Variants in SDK1 observed in about 807,000 individuals in gnomAD.
The protein encoded by SDK1 is protein sidekick-1.
In SDK1, 157 loss-of-function variants were observed where a neutral mutation model predicts 245.5. The observed-to-expected ratio is 0.64, with a 90% confidence interval of 0.56 to 0.73. The LOEUF is 0.73. Ranked by LOEUF, SDK1 falls within the 30% of genes least tolerant of loss-of-function variation. The pLI is 0.00. For synonymous variants in SDK1, 1,647 were observed against 1,278.5 expected (o/e 1.29, Z -6.15); for missense variants, 3,583 against 3,002.3 (o/e 1.19, Z -4.52).
At chr7:4,156,325 G>T (rs550586455) in intron 30 of SDK1, among the ~76,000 whole-genome samples, 1 of 152,182 alleles carries the variant, frequency 6.6e-6, no homozygotes, top group Admixed American at 6.5e-5. Flanking sequence ...GGAACAGAGG[G>T]GAAATTGTTT....
rs555767742 is a variant in SDK1 at position 3,460,732 on chromosome 7, A to T, written c.299-158348A>T. On this transcript the variant is annotated intron_variant, in intron 1 of 44. Coordinates refer to ENST00000404826, the MANE Select transcript of SDK1 (RefSeq NM_152744.4). ...TTTAATCATTGGGAATGAATCAGTT[A>T]AAAACTTATTTTGGGGCTAAAAACA... is the stretch of plus-strand genomic sequence containing the variant. Among the ~76,000 whole-genome samples the T allele has an allele frequency of 2.0e-5, 3 of 152,294 alleles. No homozygotes were observed. The East Asian group carries it at 5.8e-4, about 29-fold the overall frequency.
At chr7:3,528,772 G>T (rs1254043886) in intron 1 of SDK1, among the ~76,000 whole-genome samples, 1 of 152,020 alleles carries the variant, frequency 6.6e-6, no homozygotes, top group African/African-American at 2.4e-5. Context: ...CCTACATTTT[G>T]CCCTGAGCAA....
intron 44 of SDK1, among the ~76,000 whole-genome samples, chr7:4,252,163 T>C (rs1489915435): frequency 6.6e-6 from 1 of 152,080 alleles, no homozygotes; most frequent in Non-Finnish European, 1.5e-5. Context: ...CCCATTAACT[T>C]GTCATTTAAC....
chr7:3,940,427 T>C (rs1021410450), intron 5 of SDK1, among the ~76,000 whole-genome samples: 2 of 152,246 alleles, frequency 1.3e-5, no homozygotes, highest in Non-Finnish European at 2.9e-5. Flanking sequence ...GTTGTATGCC[T>C]GAAAATGCCT....
In SDK1 at chr7:3,782,125, G is replaced by A. The variant is rs187237744; in HGVS notation, c.714-39325G>A. Among the ~76,000 whole-genome samples, 54 of 152,304 alleles carry A rather than the reference G, an allele frequency of 3.5e-4. 1 individual carries two copies. The highest frequency in any genetic ancestry group is 3.3e-3 in the Admixed American group (51 of 15,306). ...AATTTATGAGGAAAAGATGTTTCAT[G>A]GGCTCATGGTTCTGCAGACAGTACA... On this transcript the variant is annotated intron_variant, in intron 4 of 44. Coordinates refer to ENST00000404826, the MANE Select transcript of SDK1 (RefSeq NM_152744.4).
intron 1 of SDK1, among the ~76,000 whole-genome samples, chr7:3,412,269 C>T (rs1243584791): frequency 6.6e-6 from 1 of 152,194 alleles, no homozygotes; most frequent in East Asian, 1.9e-4. Context: ...TCCCCAGAGT[C>T]ACTGTGCATA....
At chr7:3,559,882 C>G (rs961222832) in intron 1 of SDK1, among the ~76,000 whole-genome samples, 6 of 152,026 alleles carry the variant, frequency 3.9e-5, no homozygotes, top group African/African-American at 7.3e-5. Flanking sequence ...ATCCCTTGCT[C>G]CTAGTATAGT....
intron 28 of SDK1, among the ~76,000 whole-genome samples, chr7:4,142,811 A>C (rs959350063): frequency 1.1e-4 from 16 of 152,300 alleles, no homozygotes; most frequent in African/African-American, 3.6e-4. Flanking sequence ...GAGCCATGTG[A>C]ATGTTACACA....
chr7:3,941,764 C>T (rs913329855), intron 5 of SDK1, among the ~76,000 whole-genome samples: 5 of 152,166 alleles, frequency 3.3e-5, no homozygotes, highest in African/African-American at 9.7e-5. Context: ...ACGAAGTGGA[C>T]GTTAGGCAGT....
chr7:3,881,058 C>T (rs926858327), intron 5 of SDK1, among the ~76,000 whole-genome samples: 1 of 152,108 alleles, frequency 6.6e-6, no homozygotes, highest in African/African-American at 2.4e-5. Flanking sequence ...TGGGAAAACA[C>T]ACAAACATTC....
rs116230140 is a variant in SDK1, at chr7:3,546,464, C to G, written c.299-72616C>G. 6.0e-3 allele frequency among the ~76,000 whole-genome samples: 910 copies of G among 152,322 alleles called. 8 individuals are homozygous for G. Among genetic ancestry groups the G allele is most frequent in the African/African-American group, 0.02 (835 of 41,562 alleles). On this transcript the variant is annotated intron_variant, in intron 1 of 44. Transcript: ENST00000404826. The stretch of plus-strand genomic sequence containing the variant: ...AAGGCTCTCTGAAGGTATCTTCTTA[C>G]AATATCCTACAGATTGAGAATCATG...
chr7:4,169,064 G>T (rs1334171127), intron 32 of SDK1, among the ~76,000 whole-genome samples: 1 of 152,226 alleles, frequency 6.6e-6, no homozygotes, highest in Non-Finnish European at 1.5e-5. Flanking sequence ...ACCTGTTGCT[G>T]TGTGGTTGTC....
intron 1 of SDK1, among the ~76,000 whole-genome samples, chr7:3,561,516 T>G (rs1779749829): frequency 6.6e-6 from 1 of 152,158 alleles, no homozygotes; most frequent in Admixed American, 6.6e-5. Context: ...TCCCTGTGGG[T>G]AGGCCACCCC....
chr7:4,070,903 G>T (rs189861099), intron 20 of SDK1, among the ~76,000 whole-genome samples: 46 of 150,946 alleles, frequency 3.0e-4, no homozygotes, highest in Non-Finnish European at 5.8e-4. Flanking sequence ...TGAAGGCGGG[G>T]GTTTCACCAT....
At chr7:3,606,285 T>C (rs551496851) in intron 1 of SDK1, among the ~76,000 whole-genome samples, 5 of 152,314 alleles carry the variant, frequency 3.3e-5, no homozygotes, top group African/African-American at 1.2e-4. Context: ...CCACCTTTAC[T>C]GCAACCAGTT....
chr7:3,565,468 G>A (rs1779881671), intron 1 of SDK1, among the ~76,000 whole-genome samples: 4 of 152,190 alleles, frequency 2.6e-5, no homozygotes, highest in Admixed American at 2.6e-4. Context: ...AGTAAAGCAA[G>A]AGGCATATGG....
chr7:3,860,329 A>C (rs1377828989), intron 5 of SDK1, among the ~76,000 whole-genome samples: 1 of 152,224 alleles, frequency 6.6e-6, no homozygotes, highest in African/African-American at 2.4e-5. Flanking sequence ...CACTCGAAAA[A>C]AGACAATGAA....
At chr7:3,767,877 C>G (rs1454992923) in intron 4 of SDK1, among the ~76,000 whole-genome samples, 1 of 152,196 alleles carries the variant, frequency 6.6e-6, no homozygotes, top group East Asian at 1.9e-4. Flanking sequence ...CATAAAATGA[C>G]TGTCTCCCAA....
chr7:4,090,401 C>A (rs1198231716), intron 22 of SDK1, among the ~76,000 whole-genome samples: 5 of 152,184 alleles, frequency 3.3e-5, no homozygotes, highest in South Asian at 2.1e-4. Context: ...TTCCTGAAAG[C>A]AAAAGCTTTC....
Sources: allele counts gnomAD v4.1 joint callset (sites outside exome capture counted in the v4.1 genomes callset), GRCh38; gene constraint gnomAD v4.1.1; transcripts MANE v1.5; gene names NCBI Gene and HGNC (gene_info 2026-07-23, HGNC 2026-07-21).